WNT2: variants seen among roughly 807,000 people sequenced by gnomAD.
The protein encoded by WNT2 is protein Wnt-2.
WNT2 carries 12 observed loss-of-function variants against 36.9 expected under a neutral mutation model. That is an observed-to-expected ratio of 0.33 (90% confidence interval 0.21 to 0.53). The LOEUF is 0.53. Among genes scored for constraint, WNT2 ranks in the 20% least tolerant of loss-of-function variants. The probability of loss-of-function intolerance (pLI) is 0.95; values close to 1 mark genes in which losing one functional copy is unlikely to be tolerated. For synonymous variants in WNT2, 163 were observed against 174.6 expected (o/e 0.93, Z 0.52); for missense variants, 379 against 473.1 (o/e 0.80, Z 1.84).
chr7:117,313,683 C>T (rs903762293), intron 3 of WNT2, among the ~76,000 whole-genome samples: 3 of 152,228 alleles, frequency 2.0e-5, no homozygotes, highest in South Asian at 2.1e-4. Flanking sequence ...AAAGTCACCA[C>T]ACTTTATAAC....
chr7:117,309,168 G>A (rs1051059869), intron 3 of WNT2, among the ~76,000 whole-genome samples: 1 of 151,348 alleles, frequency 6.6e-6, no homozygotes. Flanking sequence ...TGGGTGACAG[G>A]GTGAGACCCT....
chr7:117,310,800 CT>C (rs1795107646), intron 3 of WNT2, among the ~76,000 whole-genome samples: 1 of 152,132 alleles, frequency 6.6e-6, no homozygotes. Context: ...CATGGGAAAT[CT>C]TTTATCTCCA....
At chr7:117,286,973 A>G (rs538763387) in intron 4 of WNT2, among the ~76,000 whole-genome samples, 54 of 152,320 alleles carry the variant, frequency 3.5e-4, no homozygotes, top group African/African-American at 1.1e-3. Context: ...TAGTCCACCT[A>G]TACCTGCTAA....
In WNT2 at chr7:117,322,998, C is replaced by T. The variant is rs775155411; in HGVS notation, c.-9G>A. On this transcript the variant is annotated 5_prime_UTR_variant, in exon 1 of 5. Coordinates refer to ENST00000265441, the MANE Select transcript of WNT2 (RefSeq NM_003391.3). This position sits in a 1 kb window ranked among gnomAD's most constrained non-coding sequence, Gnocchi z 5.4. Reference sequence around the variant, plus strand: ...CCGAGAGGGGCGTTCATATTAACCCCCTTGCGTCTGCATCAGGTCAGACTC... The same window carrying T: ...CCGAGAGGGGCGTTCATATTAACCCTCTTGCGTCTGCATCAGGTCAGACTC... 9.9e-6 allele frequency: 16 copies of T among 1,609,206 alleles called. No homozygotes were observed. The highest frequency in any genetic ancestry group is 2.2e-5 in the South Asian group (2 of 90,730).
At chr7:117,306,343 A>G (rs967508714) in intron 3 of WNT2, among the ~76,000 whole-genome samples, 14 of 152,220 alleles carry the variant, frequency 9.2e-5, no homozygotes, top group Admixed American at 7.9e-4. Flanking sequence ...AACGGTACCA[A>G]TTTATACATT....
chr7:117,279,792 C>G (rs951268947), intron 4 of WNT2, among the ~76,000 whole-genome samples: 112 of 152,164 alleles, frequency 7.4e-4, no homozygotes, highest in African/African-American at 2.6e-3. Flanking sequence ...ATTGATAAAC[C>G]TAGAGAAGCT....
intron 3 of WNT2, among the ~76,000 whole-genome samples, chr7:117,301,802 CTTTTTTTTTTTT>C (rs1181700612): frequency 1.8e-5 from 2 of 112,516 alleles, no homozygotes; most frequent in South Asian, 5.8e-4. Flanking sequence ...TCCCTCCATT[CTTTTTTTTTTTT>C]TTTTTTTTTT....
At chr7:117,303,433 T>C (rs958869519) in intron 3 of WNT2, among the ~76,000 whole-genome samples, 5 of 152,150 alleles carry the variant, frequency 3.3e-5, no homozygotes, top group Non-Finnish European at 5.9e-5. Flanking sequence ...AGATGGGTGG[T>C]GGCCAGTGTC....
At chr7:117,310,386 G>A (rs979542820) in intron 3 of WNT2, among the ~76,000 whole-genome samples, 6 of 151,632 alleles carry the variant, frequency 4.0e-5, no homozygotes, top group South Asian at 2.1e-4. Context: ...GCAACATGGC[G>A]AAACCTCATC....
At chr7:117,291,389 G>A (rs1278677550) in intron 4 of WNT2, among the ~76,000 whole-genome samples, 1 of 152,214 alleles carries the variant, frequency 6.6e-6, no homozygotes, top group East Asian at 1.9e-4. Context: ...ACTAGTGAAA[G>A]TGGCCTGTGA....
intron 4 of WNT2, among the ~76,000 whole-genome samples, chr7:117,291,076 G>T (rs143687628): frequency 6.6e-6 from 1 of 152,176 alleles, no homozygotes; most frequent in Non-Finnish European, 1.5e-5. Flanking sequence ...ACACCACTGG[G>T]CATGAGAGAA....
In WNT2 at chr7:117,302,290, G is replaced by A. The variant is rs879362436; in HGVS notation, c.589-4414C>T. 3.9e-5 allele frequency among the ~76,000 whole-genome samples: 6 copies of A among 152,214 alleles called. 1 individual carries two copies. The Middle Eastern group carries it at 0.01, about 259-fold the overall frequency. The stretch of plus-strand genomic sequence containing the variant: ...CTAACAAAAGGACAAAAAGGTGTTC[G>A]ACTTCATTAGTAACTGGAGAAATGC... On this transcript the variant is annotated intron_variant, in intron 3 of 4. Transcript: ENST00000265441.
At position 117,292,503 on chromosome 7, in the gene WNT2, G is replaced by T. The variant is rs148631618; in HGVS notation, c.853+5109C>A. Among the ~76,000 whole-genome samples the T allele has an allele frequency of 4.6e-5, 7 of 152,254 alleles. No individual in the cohort carries two copies. The East Asian group carries it at 1.4e-3, about 29-fold the overall frequency. The stretch of plus-strand genomic sequence containing the variant: ...ACATAAGGTGTGTAGCGCAGGGCCT[G>T]ACTCGCAGCAGGAAATCAACAAATG... On this transcript the variant is annotated intron_variant, in intron 4 of 4. Transcript: ENST00000265441.
At chr7:117,321,519 T>C (rs1584699975) in intron 1 of WNT2, among the ~76,000 whole-genome samples, 1 of 152,338 alleles carries the variant, frequency 6.6e-6, no homozygotes, top group African/African-American at 2.4e-5. Flanking sequence ...CATCATCATC[T>C]CTACCCAGAT....
At position 117,275,665 on chromosome 7, in the gene WNT2, G is replaced by T. The variant is rs1436393366; in HGVS notation, c.*2490C>A. 6.6e-6 allele frequency among the ~76,000 whole-genome samples: 1 copy of T among 152,202 alleles called. No homozygotes were observed. Among genetic ancestry groups the T allele is most frequent in the Non-Finnish European group, 1.5e-5 (1 of 68,044 alleles). ...GTGTATTTCAGGTTCCTGGAATACT[G>T]ATCCTCTACCAAGCTCTAAGGCAAA... is the stretch of plus-strand genomic sequence containing the variant. On this transcript the variant is annotated 3_prime_UTR_variant, in exon 5 of 5. Transcript: ENST00000265441.
intron 3 of WNT2, among the ~76,000 whole-genome samples, chr7:117,298,844 A>G (rs1273466651): frequency 6.6e-6 from 1 of 152,136 alleles, no homozygotes; most frequent in African/African-American, 2.4e-5. Context: ...TGCTCTTCCC[A>G]TTTTATAGAT....
intron 4 of WNT2, among the ~76,000 whole-genome samples, chr7:117,281,307 G>A (rs1330941238): frequency 6.6e-6 from 1 of 152,130 alleles, no homozygotes; most frequent in African/African-American, 2.4e-5. Context: ...GCACGAACAT[G>A]GCTCACTAGA....
chr7:117,278,465 A>G, intron 4 of WNT2, 81 bp from the exon 5 acceptor site: 2 of 1,364,284 alleles, frequency 1.5e-6, no homozygotes, highest in South Asian at 1.4e-5. Flanking sequence ...CACGAGGTCC[A>G]TCCTCCAGGA....
chr7:117,295,150 A>G lies in WNT2; in HGVS notation c.853+2462T>C, dbSNP rs10265354. On this transcript the variant is annotated intron_variant, in intron 4 of 4. Transcript: ENST00000265441. Reference sequence around the variant, plus strand: ...GAGACGAGATGAGATGAGACGAGACAAGATGAGATGAGACGAGACAGCCAG... The same window carrying G: ...GAGACGAGATGAGATGAGACGAGACGAGATGAGATGAGACGAGACAGCCAG... Among the ~76,000 whole-genome samples, 11 of 111,708 alleles carry G rather than the reference A, an allele frequency of 9.8e-5. No homozygotes were observed. In the East Asian group the frequency reaches 3.0e-3, roughly 31 times the overall value. The allele number at this position is 111,708 out of a possible 152,430, so 73.3% of individuals were successfully genotyped here.
Sources: gnomAD v4.1 joint callset for allele counts (sites outside exome capture counted in the v4.1 genomes callset) on GRCh38, gnomAD v4.1.1 for gene constraint, Gnocchi (gnomAD v3.1) non-coding constraint, MANE v1.5 for transcripts, NCBI Gene and HGNC (gene_info 2026-07-23, HGNC 2026-07-21) for gene names.